The following AGBL4 variants were observed in gnomAD, a reference collection of about 807,000 sequenced individuals.
AGBL4 encodes AGBL carboxypeptidase 4, also known as cytosolic carboxypeptidase 6.
AGBL4 carries 58 observed loss-of-function variants against 66.4 expected under a neutral mutation model. The observed-to-expected ratio is 0.87, with a 90% CI of 0.71 to 1.09. The LOEUF is 1.09. Ranked by LOEUF, AGBL4 falls within the 50% of genes least tolerant of loss-of-function variation. The pLI, the probability that AGBL4 is intolerant of heterozygous loss-of-function variation, is 0.00. For synonymous variants in AGBL4, 234 were observed against 222.9 expected (o/e 1.05, Z -0.44); for missense variants, 579 against 631.0 (o/e 0.92, Z 0.88).
chr1:48,868,461 A>AG (rs1292689259), intron 5 of AGBL4, among the ~76,000 whole-genome samples: 1 of 152,204 alleles, frequency 6.6e-6, no homozygotes, highest in Non-Finnish European at 1.5e-5. Flanking sequence ...TGATATTTAG[A>AG]GGGGAGAAAC....
At chr1:49,615,603 A>G (rs988068672) in intron 3 of AGBL4, among the ~76,000 whole-genome samples, 1 of 152,130 alleles carries the variant, frequency 6.6e-6, no homozygotes, top group African/African-American at 2.4e-5. Context: ...ATTTATGTTG[A>G]ATTTCATAAA....
In AGBL4 at chr1:49,822,728, T is replaced by A. The variant is rs1645402587; in HGVS notation, c.157+28668A>T. ...GTATTTACAATTTTATTTTGCTGTATAATAGTTTGTGTATGCTTAATTGTG... is the reference window on the plus strand; with the variant it reads ...GTATTTACAATTTTATTTTGCTGTAAAATAGTTTGTGTATGCTTAATTGTG... On this transcript the variant is annotated intron_variant, in intron 2 of 13. Coordinates refer to ENST00000371839, the MANE Select transcript of AGBL4 (RefSeq NM_032785.4). Among the ~76,000 whole-genome samples, 4 of 152,198 alleles carry A rather than the reference T, an allele frequency of 2.6e-5. No homozygotes were observed. The South Asian group carries it at 8.3e-4, about 31-fold the overall frequency.
intron 3 of AGBL4, among the ~76,000 whole-genome samples, chr1:49,564,638 G>A (rs1301532003): frequency 1.3e-5 from 2 of 150,044 alleles, no homozygotes; most frequent in Non-Finnish European, 3.0e-5. Flanking sequence ...TCTTAATCCT[G>A]AGTTCTAGTT....
intron 1 of AGBL4, among the ~76,000 whole-genome samples, chr1:49,900,975 AATGATGT>A (rs1649709897): frequency 6.6e-6 from 1 of 152,218 alleles, no homozygotes; most frequent in African/African-American, 2.4e-5. Context: ...TACCATTTAT[AATGATGT>A]AAAATGACTT....
intron 3 of AGBL4, among the ~76,000 whole-genome samples, chr1:49,513,909 G>T (rs1396155754): frequency 2.0e-5 from 3 of 151,876 alleles, no homozygotes; most frequent in African/African-American, 7.2e-5. Flanking sequence ...AGTTATGCAG[G>T]GTCTTCCTTG....
intron 3 of AGBL4, among the ~76,000 whole-genome samples, chr1:49,632,386 T>G (rs1379961271): frequency 1.3e-5 from 2 of 152,120 alleles, no homozygotes; most frequent in African/African-American, 2.4e-5. Flanking sequence ...ATTTTACAAG[T>G]GAAAAGGAAT....
intron 3 of AGBL4, among the ~76,000 whole-genome samples, chr1:49,435,984 T>C (rs961058561): frequency 6.6e-6 from 1 of 152,186 alleles, no homozygotes; most frequent in East Asian, 1.9e-4. Flanking sequence ...TCAAAGGTGC[T>C]GGATCTATAA....
chr1:49,372,302 C>G (rs565372762), intron 3 of AGBL4, among the ~76,000 whole-genome samples: 1 of 152,246 alleles, frequency 6.6e-6, no homozygotes, highest in East Asian at 1.9e-4. Context: ...TCTGTGAAGT[C>G]CTTGCTCGAA....
At chr1:49,743,752 A>C (rs1416513624) in intron 2 of AGBL4, among the ~76,000 whole-genome samples, 2 of 152,104 alleles carry the variant, frequency 1.3e-5, no homozygotes, top group African/African-American at 4.8e-5. Flanking sequence ...CGTCCTTCGT[A>C]GGGCCATGGA....
At chr1:48,822,128 A>G (rs1271793540) in intron 6 of AGBL4, among the ~76,000 whole-genome samples, 1 of 152,154 alleles carries the variant, frequency 6.6e-6, no homozygotes, top group South Asian at 2.1e-4. Context: ...TGATACAAAC[A>G]CCTTGGAAAA....
intron 3 of AGBL4, among the ~76,000 whole-genome samples, chr1:49,594,160 A>T (rs2124104780): frequency 6.6e-6 from 1 of 152,276 alleles, no homozygotes; most frequent in African/African-American, 2.4e-5. Context: ...AAAACTCTGC[A>T]TATAAGTAAA....
chr1:49,627,383 G>C (rs1645484251), intron 3 of AGBL4, among the ~76,000 whole-genome samples: 1 of 152,072 alleles, frequency 6.6e-6, no homozygotes, highest in African/African-American at 2.4e-5. Flanking sequence ...GACAAGATGA[G>C]ACATCAATAT....
chr1:49,270,242 A>G (rs994957784), intron 3 of AGBL4, among the ~76,000 whole-genome samples: 3 of 152,116 alleles, frequency 2.0e-5, no homozygotes, highest in African/African-American at 7.2e-5. Flanking sequence ...ATTCTGTCAT[A>G]AAGAGGGGTA....
chr1:49,253,725 T>G (rs1386701798), intron 3 of AGBL4, among the ~76,000 whole-genome samples: 1 of 147,594 alleles, frequency 6.8e-6, no homozygotes, highest in African/African-American at 2.5e-5. Context: ...AAAAAAAAAA[T>G]CAAGGCAATA....
chr1:49,232,048 G>A (rs545486648), intron 4 of AGBL4, among the ~76,000 whole-genome samples: 3 of 152,054 alleles, frequency 2.0e-5, no homozygotes, highest in Non-Finnish European at 4.4e-5. Flanking sequence ...TTATCAGATT[G>A]TAACCCCATC....
intron 6 of AGBL4, among the ~76,000 whole-genome samples, chr1:48,777,797 G>C (rs942856474): frequency 6.6e-6 from 1 of 152,194 alleles, no homozygotes; most frequent in Non-Finnish European, 1.5e-5. Flanking sequence ...GGGAGTTGAG[G>C]AGCGCTCTGG....
At chr1:49,806,184 CAG>C (rs1644973199) in intron 2 of AGBL4, among the ~76,000 whole-genome samples, 1 of 152,072 alleles carries the variant, frequency 6.6e-6, no homozygotes, top group South Asian at 2.1e-4. Context: ...TCAATCTTCT[CAG>C]AGAATATGTA....
intron 3 of AGBL4, among the ~76,000 whole-genome samples, chr1:49,420,642 C>T (rs562675545): frequency 1.3e-5 from 2 of 150,654 alleles, no homozygotes; most frequent in South Asian, 2.1e-4. Flanking sequence ...TAGAGCTTGC[C>T]GTGAGCCGAG....
intron 1 of AGBL4, among the ~76,000 whole-genome samples, chr1:49,955,126 G>T (rs1164977377): frequency 6.6e-6 from 1 of 151,706 alleles, no homozygotes; most frequent in African/African-American, 2.4e-5. Context: ...ACAGACAAAG[G>T]ATTTTTAATG....
Sources: gnomAD v4.1 joint callset for allele counts (sites outside exome capture counted in the v4.1 genomes callset) on GRCh38, gnomAD v4.1.1 for gene constraint, MANE v1.5 for transcripts, NCBI Gene and HGNC (gene_info 2026-07-23, HGNC 2026-07-21) for gene names.